Variants in PPP4R1 observed in about 807,000 individuals in gnomAD.
PPP4R1 encodes serine/threonine-protein phosphatase 4 regulatory subunit 1.
In PPP4R1, 42 loss-of-function variants were observed where a neutral mutation model predicts 111.2. That is an observed-to-expected ratio of 0.38 (90% CI 0.29 to 0.49). The LOEUF (loss-of-function observed/expected upper bound fraction) is 0.49, where lower values mean the gene tolerates loss of function less well. PPP4R1 is among the 20% of genes least tolerant of loss of function. The pLI is 0.97. For missense variants in PPP4R1, 1,012 were observed against 1,161.6 expected (o/e 0.87, Z 1.87); for synonymous variants, 409 against 405.5 (o/e 1.01, Z -0.10).
At chr18:9,602,942 T>C (rs2067416292) in intron 2 of PPP4R1, among the ~76,000 whole-genome samples, 1 of 152,244 alleles carries the variant, frequency 6.6e-6, no homozygotes, top group East Asian at 1.9e-4. Flanking sequence ...ACTTATTATA[T>C]TCATCTATAA....
At chr18:9,588,556 A>G (rs2067159071) in intron 5 of PPP4R1, among the ~76,000 whole-genome samples, 155 bp downstream of exon 5, 2 of 152,232 alleles carry the variant, frequency 1.3e-5, no homozygotes, top group Non-Finnish European at 2.9e-5. Flanking sequence ...AAAGGGATCT[A>G]CTAGATTTGT....
chr18:9,579,780 A>G (rs2066996655), intron 9 of PPP4R1, among the ~76,000 whole-genome samples: 1 of 152,206 alleles, frequency 6.6e-6, no homozygotes, highest in African/African-American at 2.4e-5. Flanking sequence ...TAAGTAATCT[A>G]GAGACGATTT....
intron 12 of PPP4R1, chr18:9,563,156 T>C (rs1445650557): frequency 3.2e-6 from 4 of 1,247,448 alleles, no homozygotes; most frequent in Non-Finnish European, 4.1e-6. Context: ...TAAATGGTCA[T>C]ATAGACAGAA....
At chr18:9,601,377 T>C (rs2067380448) in intron 2 of PPP4R1, among the ~76,000 whole-genome samples, 1 of 151,666 alleles carries the variant, frequency 6.6e-6, no homozygotes, top group South Asian at 2.1e-4. Context: ...TACAAAGAAA[T>C]TAGTCAGGCA....
intron 4 of PPP4R1, chr18:9,590,201 G>GA (rs1370971956): frequency 6.6e-6 from 1 of 152,144 alleles, no homozygotes; most frequent in African/African-American, 2.4e-5. Context: ...AAATATGTAT[G>GA]AATGTGTCTA....
chr18:9,578,266 T>C (rs1193389275), intron 9 of PPP4R1, among the ~76,000 whole-genome samples: 2 of 152,206 alleles, frequency 1.3e-5, no homozygotes, highest in Non-Finnish European at 2.9e-5. Flanking sequence ...AGACAGCTCT[T>C]GCTCTGCTGT....
chr18:9,578,188 T>A (rs575923640), intron 9 of PPP4R1, among the ~76,000 whole-genome samples: 7 of 152,210 alleles, frequency 4.6e-5, no homozygotes, highest in Non-Finnish European at 8.8e-5. Context: ...GGGAAACTGG[T>A]ATGTTACTAA....
chr18:9,586,249 A>G (rs955823635), intron 6 of PPP4R1, among the ~76,000 whole-genome samples: 12 of 152,044 alleles, frequency 7.9e-5, no homozygotes, highest in Non-Finnish European at 1.0e-4. Context: ...TAAGAGAATC[A>G]TAAGACTCCT....
intron 2 of PPP4R1, among the ~76,000 whole-genome samples, chr18:9,604,572 T>C (rs892639058): frequency 2.0e-5 from 3 of 152,068 alleles, no homozygotes; most frequent in African/African-American, 7.2e-5. Context: ...ATTTCTGTCC[T>C]CTCTAACCTC....
intron 10 of PPP4R1, among the ~76,000 whole-genome samples, chr18:9,573,335 GT>G (rs1303687410): frequency 6.6e-6 from 1 of 151,996 alleles, no homozygotes; most frequent in Non-Finnish European, 1.5e-5. Context: ...TTTTAAAAAG[GT>G]AAAAAGAATA....
chr18:9,601,105 TA>T (rs1039302157), intron 2 of PPP4R1, among the ~76,000 whole-genome samples: 2 of 151,588 alleles, frequency 1.3e-5, no homozygotes, highest in Non-Finnish European at 2.9e-5. Context: ...ACTGATGAAG[TA>T]AAAAAACCAT....
chr18:9,604,982 A>G (rs2067454247), intron 2 of PPP4R1, among the ~76,000 whole-genome samples: 1 of 152,196 alleles, frequency 6.6e-6, no homozygotes, highest in Admixed American at 6.5e-5. Context: ...ATCACACCAA[A>G]GAGAACTTTT....
Position 9,549,069 on chromosome 18 carries a change from A to G in PPP4R1, c.2689+128T>C, listed in dbSNP as rs878920675. On this transcript the variant is annotated intron_variant, in intron 19 of 19. Transcript: ENST00000400556. ...TTGGGAGAATCACCGGAACAACTAAAGTATTTCCTTCCACCAGATTATTTT... is the reference window on the plus strand; with the variant it reads ...TTGGGAGAATCACCGGAACAACTAAGGTATTTCCTTCCACCAGATTATTTT... 7.4e-6 allele frequency: 9 copies of G among 1,218,322 alleles called. No individual in the cohort carries two copies. The South Asian group carries it at 1.3e-4, about 18-fold the overall frequency. The allele number at this position is 1,218,322 out of a possible 1,614,324, so 75.5% of individuals were successfully genotyped here. A position where few individuals can be genotyped will look rare whatever the true frequency, so the allele number is the denominator to read the frequency against.
At chr18:9,548,066 C>T (rs2066427726) in intron 19 of PPP4R1, 114 bp from the exon 20 acceptor site, 1 of 1,064,816 alleles carries the variant, frequency 9.4e-7, no homozygotes, top group Non-Finnish European at 1.3e-6. Flanking sequence ...TACAAACAAG[C>T]CACACTGAAA....
chr18:9,584,383 T>C (rs2067081019), intron 8 of PPP4R1, 132 bp downstream of exon 8: 5 of 737,888 alleles, frequency 6.8e-6, no homozygotes, highest in Non-Finnish European at 1.0e-5. Context: ...AACTCCTAAA[T>C]TCAAAATTAT....
rs2145054001 is a variant in PPP4R1 at position 9,562,062 on chromosome 18, G to C, written c.1760C>G (p.Thr587Ser). The change falls in exon 13 of 20, where the codon ACT (threonine) becomes AGT (serine). Residue 587 changes from threonine (T) to serine (S), a missense_variant. Physicochemically the swap from Thr to Ser is moderately conservative, Grantham distance 58. Transcript: ENST00000400556. Reference sequence around the variant, plus strand: ...TGAATCGCTGTGAATATAGTGAAGAGTGGAGTCCATATTCTGTTAGGAAAA... The same window carrying C: ...TGAATCGCTGTGAATATAGTGAAGACTGGAGTCCATATTCTGTTAGGAAAA... ...ISDAVENMDSTLHYIHSDSDL... is the reference protein window; with the variant it reads ...ISDAVENMDSSLHYIHSDSDL... 1.9e-6 allele frequency: 3 copies of C among 1,610,538 alleles called. No individual in the cohort carries two copies. The highest frequency in any genetic ancestry group is 1.3e-5 in the African/African-American group (1 of 74,930).
At chr18:9,590,908 T>C (rs955711652) in intron 4 of PPP4R1, among the ~76,000 whole-genome samples, 10 of 152,152 alleles carry the variant, frequency 6.6e-5, no homozygotes, top group Non-Finnish European at 1.5e-5. Context: ...GCAAGAAGCA[T>C]CACGGAGTGC....
chr18:9,553,481 T>C (rs62087423), intron 15 of PPP4R1, 59 bp from the exon 16 acceptor site: 88,913 of 1,167,480 alleles, frequency 0.076, 4,099 homozygotes, highest in Non-Finnish European at 0.092. Context: ...TTTCTTTTAC[T>C]AGAGTGCTTA....
chr18:9,547,834 G>T lies in PPP4R1; in HGVS notation c.2808C>A (p.Thr936=). The T allele has an allele frequency of 1.2e-6, 2 of 1,613,516 alleles. No homozygotes were observed. Among genetic ancestry groups the T allele is most frequent in the Non-Finnish European group, 1.7e-6 (2 of 1,180,006 alleles). ...TGCTCATGGCATCTTCGGAGATTTT[G>T]GTACTGGCAGGGTGGATGCTTGCAA... ...KYFASIHPAS[T]KISEDAMSTA... The change falls in exon 20 of 20, where the codon ACC becomes ACA. Residue 936 remains threonine, a synonymous_variant. Transcript: ENST00000400556.
Sources: gnomAD v4.1 joint callset for allele counts (sites outside exome capture counted in the v4.1 genomes callset) on GRCh38, gnomAD v4.1.1 for gene constraint, MANE v1.5 for transcripts, NCBI Gene and HGNC (gene_info 2026-07-23, HGNC 2026-07-21) for gene names.